Variants in NEGR1 observed in about 807,000 individuals in gnomAD.
NEGR1 encodes IgLON family member 4.
A neutral mutation model predicts 40.9 loss-of-function variants in NEGR1; 10 were observed. The observed-to-expected ratio is 0.24, with a 90% CI of 0.15 to 0.42. The LOEUF (loss-of-function observed/expected upper bound fraction) is 0.42, where lower values mean the gene tolerates loss of function less well. Ranked by LOEUF, NEGR1 falls within the 10% of genes least tolerant of loss-of-function variation. The probability of loss-of-function intolerance (pLI) is 1.00; values close to 1 mark genes in which losing one functional copy is unlikely to be tolerated. For missense variants in NEGR1, 352 were observed against 438.9 expected (o/e 0.80, Z 1.77); for synonymous variants, 185 against 166.8 (o/e 1.11, Z -0.84).
At chr1:71,511,388 G>A (rs1357231221) in intron 6 of NEGR1, among the ~76,000 whole-genome samples, 1 of 152,192 alleles carries the variant, frequency 6.6e-6, no homozygotes, top group Non-Finnish European at 1.5e-5. Flanking sequence ...TTGACCAACA[G>A]AACCATTTTC....
At chr1:71,948,049 C>T (rs1227441179) in intron 1 of NEGR1, among the ~76,000 whole-genome samples, 2 of 152,166 alleles carry the variant, frequency 1.3e-5, no homozygotes, top group East Asian at 3.9e-4. Flanking sequence ...TATAGTGCCC[C>T]AAAGACAATC....
rs141346168 is a variant in NEGR1 at position 72,039,291 on chromosome 1, T to C, written c.177-103980A>G. On this transcript the variant is annotated intron_variant, in intron 1 of 6. Transcript: ENST00000357731. The stretch of plus-strand genomic sequence containing the variant: ...GTAAGCACTGGGAAGCCATTGAAAT[T>C]TCTGATCAGGTACATGATGTGGGCA... Among the ~76,000 whole-genome samples, 973 of 152,028 alleles carry C rather than the reference T, an allele frequency of 6.4e-3. 10 individuals are homozygous for C. The highest frequency in any genetic ancestry group is 0.022 in the African/African-American group (934 of 41,542).
At chr1:72,051,792 A>G (rs987970594) in intron 1 of NEGR1, among the ~76,000 whole-genome samples, 2 of 151,442 alleles carry the variant, frequency 1.3e-5, no homozygotes, top group Non-Finnish European at 3.0e-5. Flanking sequence ...AGTAATCCTG[A>G]GAGAATTTTT....
intron 1 of NEGR1, among the ~76,000 whole-genome samples, chr1:72,118,372 T>A (rs193040090): frequency 0.015 from 2,245 of 151,902 alleles, 44 homozygotes; most frequent in African/African-American, 0.051. Context: ...GAGGGTTTTT[T>A]AAATCCCATA....
chr1:71,565,798 AT>A (rs1399262630), intron 6 of NEGR1, among the ~76,000 whole-genome samples: 1 of 152,200 alleles, frequency 6.6e-6, no homozygotes, highest in African/African-American at 2.4e-5. Flanking sequence ...CTTAGGAACA[AT>A]TTCAATAGGA....
intron 2 of NEGR1, among the ~76,000 whole-genome samples, chr1:71,919,616 G>C (rs1348352436): frequency 1.3e-5 from 2 of 150,934 alleles, no homozygotes; most frequent in African/African-American, 4.9e-5. Context: ...TGATTTTTTG[G>C]TTAGTGAATC....
chr1:71,716,709 T>C (rs1347233802), intron 3 of NEGR1, among the ~76,000 whole-genome samples: 1 of 152,156 alleles, frequency 6.6e-6, no homozygotes, highest in South Asian at 2.1e-4. Flanking sequence ...AGATAATATT[T>C]ACTCAATATA....
chr1:72,252,302 C>T (rs1655128931), intron 1 of NEGR1, among the ~76,000 whole-genome samples: 2 of 152,134 alleles, frequency 1.3e-5, no homozygotes, highest in African/African-American at 4.8e-5. Flanking sequence ...CCTCAGCCTC[C>T]CAAAGTGCTA....
At chr1:71,442,584 A>G (rs1356219410) in intron 6 of NEGR1, among the ~76,000 whole-genome samples, 1 of 152,204 alleles carries the variant, frequency 6.6e-6, no homozygotes, top group Non-Finnish European at 1.5e-5. Context: ...ACTGCACTCC[A>G]GCTTGGGAGA....
intron 1 of NEGR1, among the ~76,000 whole-genome samples, chr1:71,994,247 G>C (rs906825506): frequency 6.6e-6 from 1 of 152,070 alleles, no homozygotes; most frequent in Non-Finnish European, 1.5e-5. Context: ...TCATCACAAC[G>C]GCCTGGTGTG....
intron 6 of NEGR1, among the ~76,000 whole-genome samples, chr1:71,581,285 C>A (rs2101505449): frequency 6.6e-6 from 1 of 152,204 alleles, no homozygotes; most frequent in Non-Finnish European, 1.5e-5. Context: ...TTGCTTAGTT[C>A]ATTGTCGAGA....
intron 4 of NEGR1, among the ~76,000 whole-genome samples, chr1:71,612,758 G>A (rs1323640522): frequency 2.6e-5 from 4 of 152,192 alleles, no homozygotes; most frequent in African/African-American, 9.7e-5. Context: ...TAGCTATGTG[G>A]ATATTTAGAG....
At chr1:71,819,078 A>C (rs1243848057) in intron 2 of NEGR1, among the ~76,000 whole-genome samples, 1 of 152,004 alleles carries the variant, frequency 6.6e-6, no homozygotes, top group African/African-American at 2.4e-5. Flanking sequence ...GGGCTAAAGA[A>C]AGCTGAGGCA....
intron 6 of NEGR1, among the ~76,000 whole-genome samples, chr1:71,416,031 G>A (rs1646352638): frequency 6.6e-6 from 1 of 152,068 alleles, no homozygotes; most frequent in African/African-American, 2.4e-5. Flanking sequence ...GGCCTCTAGG[G>A]CATCATTTAG....
At chr1:71,596,397 C>T (rs538879095) in intron 5 of NEGR1, among the ~76,000 whole-genome samples, 2 of 152,344 alleles carry the variant, frequency 1.3e-5, no homozygotes, top group African/African-American at 4.8e-5. Context: ...GCCCAACCCA[C>T]TAACTAGTTC....
intron 1 of NEGR1, among the ~76,000 whole-genome samples, chr1:72,268,900 C>CT (rs58064544): frequency 1.3e-5 from 2 of 151,054 alleles, no homozygotes; most frequent in South Asian, 2.1e-4. Flanking sequence ...GTTTGAAAGC[C>CT]TTTTTTAACA....
At chr1:71,429,706 G>T (rs942031135) in intron 6 of NEGR1, among the ~76,000 whole-genome samples, 1 of 152,138 alleles carries the variant, frequency 6.6e-6, no homozygotes, top group African/African-American at 2.4e-5. Context: ...GGTTAAGAAG[G>T]CCCTTCCACT....
At chr1:71,572,641 G>T (rs1010818672) in intron 6 of NEGR1, among the ~76,000 whole-genome samples, 5 of 151,918 alleles carry the variant, frequency 3.3e-5, no homozygotes, top group Non-Finnish European at 5.9e-5. Context: ...CAGACTTGTG[G>T]GTATATATTC....
chr1:72,093,051 G>C (rs1042188685), intron 1 of NEGR1, among the ~76,000 whole-genome samples: 71 of 152,024 alleles, frequency 4.7e-4, no homozygotes, highest in African/African-American at 1.7e-3. Flanking sequence ...AGAGACTCAA[G>C]GCTGGGTACG....
Sources: allele counts gnomAD v4.1 joint callset (sites outside exome capture counted in the v4.1 genomes callset), GRCh38; gene constraint gnomAD v4.1.1; transcripts MANE v1.5; gene names NCBI Gene and HGNC (gene_info 2026-07-23, HGNC 2026-07-21).